SMIM21: variants seen among roughly 807,000 people sequenced by gnomAD.
SMIM21 encodes small integral membrane protein 21.
SMIM21 carries 8 observed loss-of-function variants against 8.6 expected under a neutral mutation model. That is an observed-to-expected ratio of 0.93 (90% CI 0.55 to 1.68). The LOEUF (loss-of-function observed/expected upper bound fraction) is 1.68, where lower values mean the gene tolerates loss of function less well. SMIM21 is among the 40% of genes most tolerant of loss of function. The probability of loss-of-function intolerance (pLI) is 0.00; values close to 1 mark genes in which losing one functional copy is unlikely to be tolerated. For synonymous variants in SMIM21, 43 were observed against 41.7 expected, an observed-to-expected ratio of 1.03 and a Z score of -0.12; for missense variants, 132 against 123.0, an observed-to-expected ratio of 1.07 and a Z score of -0.35.
chr18:75,417,985 T>A (rs2024666209), intron 2 of SMIM21: 2 of 379,530 alleles, frequency 5.3e-6, no homozygotes, highest in Non-Finnish European at 4.7e-6. Flanking sequence ...AAGCTTTTTA[T>A]TTTTTTGTTT....
intron 1 of SMIM21, among the ~76,000 whole-genome samples, chr18:75,422,623 TAGTC>T (rs776011521): frequency 1.8e-4 from 27 of 152,190 alleles, no homozygotes; most frequent in East Asian, 3.8e-4. Flanking sequence ...AGTGGAATAT[TAGTC>T]AGCCACAAAA....
intron 2 of SMIM21, among the ~76,000 whole-genome samples, chr18:75,412,873 G>A (rs565118736): frequency 6.8e-4 from 104 of 152,164 alleles, no homozygotes; most frequent in African/African-American, 2.5e-3. Flanking sequence ...TCCTCCCCCA[G>A]TCTCATTGCT....
chr18:75,422,599 T>A (rs376762727), intron 1 of SMIM21, among the ~76,000 whole-genome samples: 1 of 152,150 alleles, frequency 6.6e-6, no homozygotes, highest in East Asian at 1.9e-4. Context: ...ATACTAAATT[T>A]GATAAATCCG....
chr18:75,410,147 A>C lies in SMIM21; in HGVS notation c.*717T>G, dbSNP rs1228715753. On this transcript the variant is annotated 3_prime_UTR_variant, in exon 3 of 3. Coordinates refer to ENST00000579022, the MANE Select transcript of SMIM21 (RefSeq NM_001037331.3). ...AATTAAGTCAGCCACAATATAAGAAAACTCATCTGCCTCGACTTGTTGCCC... is the reference window on the plus strand; with the variant it reads ...AATTAAGTCAGCCACAATATAAGAACACTCATCTGCCTCGACTTGTTGCCC... 6.6e-6 allele frequency: 1 copy of C among 152,628 alleles called. No individual in the cohort carries two copies. Among genetic ancestry groups the C allele is most frequent in the Non-Finnish European group, 1.5e-5 (1 of 68,052 alleles). The allele number at this position is 152,628 out of a possible 1,614,324, so 9.5% of individuals were successfully genotyped here.
chr18:75,421,875 G>A (rs138289146), intron 1 of SMIM21, among the ~76,000 whole-genome samples: 1 of 152,184 alleles, frequency 6.6e-6, no homozygotes, highest in Non-Finnish European at 1.5e-5. Flanking sequence ...CCTCATTCAG[G>A]CTCTGGAAAA....
At chr18:75,426,399 T>G (rs1202164530) in intron 1 of SMIM21, among the ~76,000 whole-genome samples, 1 of 151,940 alleles carries the variant, frequency 6.6e-6, no homozygotes, top group East Asian at 1.9e-4. Context: ...AAGCTCTGCC[T>G]CCCGGGTTCA....
intron 2 of SMIM21, chr18:75,416,866 C>A (rs2024651510): frequency 6.6e-6 from 1 of 152,128 alleles, no homozygotes. Flanking sequence ...CTTATATTTT[C>A]ATCATCCTTG....
Position 75,411,395 on chromosome 18 carries a change from G to A in SMIM21, c.261-486C>T, listed in dbSNP as rs549833433. ...AAAGAGCTCAGGGGTTTGGCCTGAC[G>A]GCCTCAAGAATGTGTTTTGTTACAT... On this transcript the variant is annotated intron_variant, in intron 2 of 2. Transcript: ENST00000579022. Among the ~76,000 whole-genome samples the A allele has an allele frequency of 2.4e-4, 37 of 152,320 alleles. 1 individual carries two copies. In the South Asian group the frequency reaches 7.5e-3, roughly 31 times the overall value.
chr18:75,410,669 G>T lies in SMIM21; in HGVS notation c.*195C>A. 1 of 1,375,872 alleles carries T rather than the reference G, an allele frequency of 7.3e-7. No homozygotes were observed. The highest frequency in any genetic ancestry group is 9.4e-7 in the Non-Finnish European group (1 of 1,059,876). The allele number at this position is 1,375,872 out of a possible 1,614,324, so 85.2% of individuals were successfully genotyped here. On this transcript the variant is annotated 3_prime_UTR_variant, in exon 3 of 3. Coordinates refer to ENST00000579022, the MANE Select transcript of SMIM21 (RefSeq NM_001037331.3). ...GAATATTCCTGAACAGAAAAAGGAAGAGTGCCCCTCAAGAACAAAGCAGAC... is the reference window on the plus strand; with the variant it reads ...GAATATTCCTGAACAGAAAAAGGAATAGTGCCCCTCAAGAACAAAGCAGAC...
chr18:75,422,111 C>T (rs1215935096), intron 1 of SMIM21, among the ~76,000 whole-genome samples: 3 of 152,112 alleles, frequency 2.0e-5, no homozygotes, highest in Non-Finnish European at 4.4e-5. Context: ...AGCCGCCCAC[C>T]CAGCAGGGCC....
chr18:75,417,936 A>G (rs546300250), intron 2 of SMIM21: 15 of 340,676 alleles, frequency 4.4e-5, no homozygotes, highest in Non-Finnish European at 7.8e-5. Context: ...TTCAATTTCC[A>G]AATAGAGTTT....
chr18:75,421,013 T>C (rs943882992), intron 1 of SMIM21, among the ~76,000 whole-genome samples: 2 of 152,200 alleles, frequency 1.3e-5, no homozygotes, highest in Non-Finnish European at 2.9e-5. Flanking sequence ...CTTCTCCTAA[T>C]TAGGATTTCA....
intron 1 of SMIM21, among the ~76,000 whole-genome samples, chr18:75,419,798 T>G (rs2024689972): frequency 6.6e-6 from 1 of 152,110 alleles, no homozygotes; most frequent in Non-Finnish European, 1.5e-5. Context: ...AGCTAACAAA[T>G]GAGAAAATTG....
chr18:75,425,626 T>G (rs1425094556), intron 1 of SMIM21, among the ~76,000 whole-genome samples: 1 of 152,236 alleles, frequency 6.6e-6, no homozygotes, highest in Non-Finnish European at 1.5e-5. Flanking sequence ...CACCTAAGTG[T>G]GAATCAGTTA....
chr18:75,419,680 G>A (rs1460530955), intron 1 of SMIM21, among the ~76,000 whole-genome samples: 2 of 152,048 alleles, frequency 1.3e-5, no homozygotes, highest in African/African-American at 4.8e-5. Flanking sequence ...TAAACACATA[G>A]CAAATTAAAT....
chr18:75,417,454 G>A (rs1185193542), intron 2 of SMIM21: 5 of 152,196 alleles, frequency 3.3e-5, no homozygotes, highest in African/African-American at 9.7e-5. Context: ...TAACTCATGG[G>A]ATATTGGCTT....
chr18:75,423,931 G>A (rs1480346143), intron 1 of SMIM21, among the ~76,000 whole-genome samples: 1 of 152,192 alleles, frequency 6.6e-6, no homozygotes, highest in Non-Finnish European at 1.5e-5. Flanking sequence ...TTGGAATGGA[G>A]GCAGAACACA....
chr18:75,418,683 T>A, intron 2 of SMIM21, 103 bp downstream of exon 2: 1 of 1,174,956 alleles, frequency 8.5e-7, no homozygotes, highest in Non-Finnish European at 1.2e-6. Context: ...GATTGATTGC[T>A]TGATGAATGT....
chr18:75,418,260 C>A, intron 2 of SMIM21: 1 of 398,186 alleles, frequency 2.5e-6, no homozygotes, highest in Non-Finnish European at 4.4e-6. Flanking sequence ...ACGTTTCCAG[C>A]CAATTGTACA....
Sources: allele counts gnomAD v4.1 joint callset (sites outside exome capture counted in the v4.1 genomes callset), GRCh38; gene constraint gnomAD v4.1.1; transcripts MANE v1.5; gene names NCBI Gene and HGNC (gene_info 2026-07-23, HGNC 2026-07-21).